Variants in PHF24 observed in about 807,000 individuals in gnomAD.
PHF24 encodes PHD finger protein 24.
PHF24 carries 25 observed loss-of-function variants against 42.6 expected under a neutral mutation model. The observed-to-expected ratio is 0.59, with a 90% CI of 0.43 to 0.82. PHF24 has a LOEUF of 0.82. PHF24 is among the 40% of genes least tolerant of loss of function. PHF24 has a pLI of 0.00. For missense variants in PHF24, 470 were observed against 538.1 expected (o/e 0.87, Z 1.25); for synonymous variants, 185 against 204.8 (o/e 0.90, Z 0.83).
the PHF24 span, chr9:34,922,385 A>T: frequency 7.0e-7 from 1 of 1,438,706 alleles, no homozygotes; most frequent in Non-Finnish European, 9.8e-7. Context: ...TCAGAACGTC[A>T]TAATAGAACA....
the PHF24 span, among the ~76,000 whole-genome samples, chr9:34,747,010 C>T: frequency 2.6e-5 from 4 of 152,110 alleles, no homozygotes; most frequent in African/African-American, 9.7e-5. Flanking sequence ...AAATCAAGAT[C>T]TTTTATTTAT....
the PHF24 span, among the ~76,000 whole-genome samples, chr9:34,937,041 C>CA: frequency 2.3e-5 from 3 of 128,426 alleles, no homozygotes; most frequent in Non-Finnish European, 5.1e-5. Context: ...TCAGCCCCCC[C>CA]CCCGGGCCAG....
chr9:34,895,170 G>A, the PHF24 span: 1 of 398,014 alleles, frequency 2.5e-6, no homozygotes, highest in East Asian at 3.6e-5. Context: ...AACATTTCCT[G>A]GTCTTTTTCT....
chr9:34,976,905 G>A (rs1042872012), intron 5 of PHF24, among the ~76,000 whole-genome samples, 165 bp downstream of exon 5: 4 of 152,246 alleles, frequency 2.6e-5, no homozygotes, highest in African/African-American at 9.6e-5. Context: ...CCAGGCTGAG[G>A]AAACTGCGTG....
At chr9:34,971,663 A>C (rs1333215077) in exon 2 of PHF24, 5 of 1,609,534 alleles carry the variant, frequency 3.1e-6, no homozygotes, top group Non-Finnish European at 4.2e-6. Flanking sequence ...ATCTGCCTGG[A>C]GCCCAGAGAG....
At chr9:34,946,889 T>C in the PHF24 span, among the ~76,000 whole-genome samples, 1 of 152,072 alleles carries the variant, frequency 6.6e-6, no homozygotes, top group East Asian at 1.9e-4. Context: ...GAAAGGGAAA[T>C]GAAACAAAAA....
chr9:34,937,031 T>A, the PHF24 span, among the ~76,000 whole-genome samples: 1 of 124,212 alleles, frequency 8.1e-6, no homozygotes, highest in Non-Finnish European at 1.7e-5. Context: ...GGTGGGGGGG[T>A]CAGCCCCCCC....
At chr9:34,691,055 C>G in the PHF24 span, 9 of 1,565,294 alleles carry the variant, frequency 5.7e-6, no homozygotes, top group East Asian at 1.6e-4. Flanking sequence ...GCCAGCCCCC[C>G]ACTGCCTCTG....
At chr9:34,899,309 T>TTCA in the PHF24 span, among the ~76,000 whole-genome samples, 496 of 152,312 alleles carry the variant, frequency 3.3e-3, 3 homozygotes, top group African/African-American at 0.011. Flanking sequence ...AGACCCTGCT[T>TTCA]TCATTATAAT....
chr9:34,725,989 T>G, the PHF24 span: 1 of 1,547,256 alleles, frequency 6.5e-7, no homozygotes, highest in Admixed American at 2.0e-5. Flanking sequence ...AGTCATTATC[T>G]TGTCCCCCAG....
the PHF24 span, among the ~76,000 whole-genome samples, chr9:34,749,446 G>A: frequency 6.6e-6 from 1 of 151,988 alleles, no homozygotes; most frequent in Non-Finnish European, 1.5e-5. Flanking sequence ...ATATATAAAG[G>A]ATCCAGCCAG....
At chr9:34,768,127 A>T in the PHF24 span, among the ~76,000 whole-genome samples, 3 of 152,178 alleles carry the variant, frequency 2.0e-5, no homozygotes, top group Admixed American at 2.0e-4. Context: ...ATACTACATT[A>T]TTTCACTGGA....
At chr9:34,838,854 G>A in the PHF24 span, among the ~76,000 whole-genome samples, 1 of 152,212 alleles carries the variant, frequency 6.6e-6, no homozygotes, top group East Asian at 1.9e-4. Flanking sequence ...TGGCACAGGG[G>A]CACCTTATGA....
the PHF24 span, among the ~76,000 whole-genome samples, chr9:34,875,948 ACACTCTCTCTCT>A: frequency 3.8e-4 from 30 of 79,914 alleles, no homozygotes; most frequent in South Asian, 1.6e-3. Context: ...ACACACACAC[ACACTCTCTCTCT>A]CTCTCTCTCT....
chr9:34,833,045 C>T, the PHF24 span: 7 of 1,550,856 alleles, frequency 4.5e-6, no homozygotes, highest in Non-Finnish European at 6.1e-6. Flanking sequence ...TGGAAGCATC[C>T]CTGCTGGCCT....
chr9:34,711,417 G>C, the PHF24 span, among the ~76,000 whole-genome samples: 4 of 151,710 alleles, frequency 2.6e-5, no homozygotes, highest in African/African-American at 9.7e-5. Context: ...ATTTTTTGTA[G>C]ACACGAGGTC....
chr9:34,875,936 A>ACTCTCTCTCTCTCTCT, the PHF24 span, among the ~76,000 whole-genome samples: 41 of 87,848 alleles, frequency 4.7e-4, no homozygotes, highest in East Asian at 9.3e-4. Flanking sequence ...ACACACACAC[A>ACTCTCTCTCTCTCTCT]CACACACACA....
At chr9:34,760,475 A>T in the PHF24 span, among the ~76,000 whole-genome samples, 2 of 152,248 alleles carry the variant, frequency 1.3e-5, no homozygotes, top group African/African-American at 4.8e-5. Context: ...CAGCGGCAAC[A>T]CTTTTACAGG....
chr9:34,766,851 G>C, the PHF24 span, among the ~76,000 whole-genome samples: 19 of 152,112 alleles, frequency 1.2e-4, no homozygotes, highest in Non-Finnish European at 2.8e-4. Context: ...TTTGGTCTTT[G>C]ATGATGGTGA....
Sources: allele counts gnomAD v4.1 joint callset (sites outside exome capture counted in the v4.1 genomes callset), GRCh38; gene constraint gnomAD v4.1.1; transcripts MANE v1.5; gene names NCBI Gene and HGNC (gene_info 2026-07-23, HGNC 2026-07-21).